The following LANCL1 variants were observed in gnomAD, a reference collection of about 807,000 sequenced individuals.
LANCL1 encodes LanC like glutathione S-transferase 1, also known as glutathione S-transferase LANCL1.
A neutral mutation model predicts 50.6 loss-of-function variants in LANCL1; 50 were observed. The ratio of observed to expected loss-of-function variants is 0.99; its 90% CI spans 0.79 to 1.25. The LOEUF (loss-of-function observed/expected upper bound fraction) is 1.25. Ranked by LOEUF, LANCL1 falls within the 50% of genes most tolerant of loss-of-function variation. The pLI is 0.00. For synonymous variants in LANCL1, 188 were observed against 178.6 expected (o/e 1.05, Z -0.42); for missense variants, 532 against 480.7 (o/e 1.11, Z -1.00).
At chr2:210,471,897 C>A in intron 3 of LANCL1, 62 bp downstream of exon 3, 2 of 1,167,418 alleles carry the variant, frequency 1.7e-6, no homozygotes, top group South Asian at 2.4e-5. Context: ...AGACAGCTCT[C>A]GGAAAAATGC....
rs551069033 is a variant in LANCL1 at position 210,455,218 on chromosome 2, A to G, written c.296T>C (p.Leu99Ser). 1 of 1,613,702 alleles carries G rather than the reference A, an allele frequency of 6.2e-7. No individual in the cohort carries two copies. Among genetic ancestry groups the G allele is most frequent in the East Asian group, 2.2e-5 (1 of 44,854 alleles). The change falls in exon 4 of 10, where the codon TTA (leucine) becomes TCA (serine). Residue 99 changes from leucine (L) to serine (S), a missense_variant. Transcript: ENST00000450366. ...HGYVKQSLNC[L>S]TKRSITFLCG... ...AAGGAAGGTGATGGAGCGCTTGGTT[A>G]AGCAGTTCAGACTTTGCTTTACATA...
chr2:210,438,189 C>T (rs1407204412), intron 6 of LANCL1, among the ~76,000 whole-genome samples: 1 of 142,020 alleles, frequency 7.0e-6, no homozygotes, highest in Non-Finnish European at 1.5e-5. Context: ...GGCTGAAGTG[C>T]AATGGTGCGA....
chr2:210,447,042 A>G (rs926592427), intron 4 of LANCL1, among the ~76,000 whole-genome samples: 1 of 152,216 alleles, frequency 6.6e-6, no homozygotes, highest in African/African-American at 2.4e-5. Flanking sequence ...CCCAAGACAC[A>G]TAATCGTCAG....
At chr2:210,457,415 T>G (rs905729416) in intron 3 of LANCL1, among the ~76,000 whole-genome samples, 2 of 152,098 alleles carry the variant, frequency 1.3e-5, no homozygotes, top group Non-Finnish European at 2.9e-5. Flanking sequence ...CTGTTGACAA[T>G]AACCATGCAT....
At chr2:210,444,937 G>T (rs1371379873) in intron 4 of LANCL1, among the ~76,000 whole-genome samples, 1 of 151,794 alleles carries the variant, frequency 6.6e-6, no homozygotes, top group Non-Finnish European at 1.5e-5. Flanking sequence ...CATTTATTAA[G>T]AATTTTTTTT....
chr2:210,443,123 C>G (rs1693196411), intron 4 of LANCL1, among the ~76,000 whole-genome samples: 1 of 152,140 alleles, frequency 6.6e-6, no homozygotes, highest in African/African-American at 2.4e-5. Flanking sequence ...CAAAGCCCCA[C>G]CCTTTTCATC....
At chr2:210,473,790 C>T (rs375103562) in intron 2 of LANCL1, among the ~76,000 whole-genome samples, 13 of 152,298 alleles carry the variant, frequency 8.5e-5, no homozygotes, top group African/African-American at 2.2e-4. Context: ...TTAGAAGAAA[C>T]GACGTTGTTT....
rs1301179108 is a variant in LANCL1 at position 210,434,559 on chromosome 2, C to T, written c.1128G>A (p.Met376Ile). 6.2e-7 allele frequency: 1 copy of T among 1,612,892 alleles called. No individual in the cohort carries two copies. Among genetic ancestry groups the T allele is most frequent in the East Asian group, 2.2e-5 (1 of 44,864 alleles). ...CAGCCAGGAAATATATTGTTCCAGC[C>T]ATTCCTGAAGAAAGAGAAAGAGGCA... ...PDTPFSLFEG[M>I]AGTIYFLADL... is the part of the protein sequence containing the mutation. Residue 376 changes from methionine (M) to isoleucine (I), a missense_variant, in exon 10 of 10, where the codon ATG becomes ATA. Met to Ile is a conservative substitution (Grantham distance 10). Coordinates refer to ENST00000450366, the MANE Select transcript of LANCL1 (RefSeq NM_006055.3).
chr2:210,457,511 G>C (rs968285577), intron 3 of LANCL1, among the ~76,000 whole-genome samples: 2 of 152,084 alleles, frequency 1.3e-5, no homozygotes, highest in Non-Finnish European at 2.9e-5. Flanking sequence ...GGCTTTGCAG[G>C]GAAAATTCAC....
intron 4 of LANCL1, among the ~76,000 whole-genome samples, chr2:210,449,492 G>C (rs987869473): frequency 1.3e-5 from 2 of 152,212 alleles, no homozygotes; most frequent in Non-Finnish European, 2.9e-5. Flanking sequence ...AGTATTGGAA[G>C]TTCTGGCCAG....
At chr2:210,439,831 T>C (rs1362358131) in intron 6 of LANCL1, among the ~76,000 whole-genome samples, 1 of 152,186 alleles carries the variant, frequency 6.6e-6, no homozygotes, top group Non-Finnish European at 1.5e-5. Context: ...ATGAAACACT[T>C]TTCTTTATGC....
chr2:210,438,296 G>C (rs527838204), intron 6 of LANCL1, among the ~76,000 whole-genome samples: 1 of 152,020 alleles, frequency 6.6e-6, no homozygotes, highest in African/African-American at 2.4e-5. Flanking sequence ...CACCACGCCT[G>C]GCTAATTTTT....
rs1186044095 is a variant in LANCL1, at chr2:210,434,345, A to C, written c.*142T>G. ...AATGATAATGGAAGGGAACTGAATG[A>C]AAGATAAATTCTGAAAAAAGCTAAC... is the stretch of plus-strand genomic sequence containing the variant. On this transcript the variant is annotated 3_prime_UTR_variant, in exon 10 of 10. Coordinates refer to ENST00000450366, the MANE Select transcript of LANCL1 (RefSeq NM_006055.3). 1.5e-5 allele frequency: 9 copies of C among 609,264 alleles called. No homozygotes were observed. Among genetic ancestry groups the C allele is most frequent in the South Asian group, 2.3e-5 (1 of 44,154 alleles). 37.7% of individuals were successfully genotyped at this position (609,264 alleles called of 1,614,324 possible).
At position 210,464,239 on chromosome 2, in the gene LANCL1, A is replaced by C. The variant is rs1326558198; in HGVS notation, c.199+7720T>G. Among the ~76,000 whole-genome samples, 3 of 152,346 alleles carry C rather than the reference A, an allele frequency of 2.0e-5. No individual in the cohort carries two copies. The East Asian group carries it at 5.8e-4, about 29-fold the overall frequency. Reference sequence around the variant, plus strand: ...TCTACATACTACTGGGGAATGAAACAACAAAATAAAATTGTAAAGTCCTAA... The same window carrying C: ...TCTACATACTACTGGGGAATGAAACCACAAAATAAAATTGTAAAGTCCTAA... On this transcript the variant is annotated intron_variant, in intron 3 of 9. Transcript: ENST00000450366.
In LANCL1 at chr2:210,476,328, A is replaced by C; in HGVS notation, c.69T>G (p.Asp23Glu). ...ATCCTAAACTCACCCTCCCGGCAGCATCAAAGTAGCCTTCGGCCAGGGATT... is the reference window on the plus strand; with the variant it reads ...ATCCTAAACTCACCCTCCCGGCAGCCTCAAAGTAGCCTTCGGCCAGGGATT... ...YNKSLAEGYFDAAGRLTPEFS... is the reference protein window; with the variant it reads ...YNKSLAEGYFEAAGRLTPEFS... Residue 23 changes from aspartate (D) to glutamate (E), a missense_variant, in exon 2 of 10, where the codon GAT becomes GAG. Asp to Glu is a conservative substitution (Grantham distance 45, BLOSUM62 2). Coordinates refer to ENST00000450366, the MANE Select transcript of LANCL1 (RefSeq NM_006055.3). 1.9e-6 allele frequency: 3 copies of C among 1,613,764 alleles called. No homozygotes were observed. The highest frequency in any genetic ancestry group is 2.5e-6 in the Non-Finnish European group (3 of 1,179,682).
At chr2:210,455,012 G>C (rs1693620924) in intron 4 of LANCL1, 95 bp downstream of exon 4, 2 of 1,031,350 alleles carry the variant, frequency 1.9e-6, no homozygotes, top group Middle Eastern at 2.4e-4. Context: ...TCTGCTAAGA[G>C]AAAAGTAAAC....
In LANCL1 at chr2:210,435,463, A is replaced by C; in HGVS notation, c.1051-4T>G. 6.2e-7 allele frequency: 1 copy of C among 1,611,150 alleles called. No homozygotes were observed. The highest frequency in any genetic ancestry group is 1.3e-5 in the African/African-American group (1 of 74,996). On this transcript the variant is annotated splice_polypyrimidine_tract_variant and splice_region_variant and intron_variant, in intron 8 of 9. Transcript: ENST00000450366. ...ACTCTAAGCACCATTCAGCAAACTG[A>C]AAATGAGACCAAGTTAAATTAGTAT...
rs759084405 is a variant in LANCL1, at chr2:210,476,383, G to C, written c.14C>G (p.Ala5Gly). The C allele has an allele frequency of 3.7e-6, 6 of 1,613,914 alleles. No individual in the cohort carries two copies. The highest frequency in any genetic ancestry group is 3.4e-6 in the Non-Finnish European group (4 of 1,179,968). ...ATAATCAGCATAAGGATTCGGGAAG[G>C]CCCTTTGAGCCATGACGCCGGAAGC... MAQRAFPNPYADYNK... is the reference protein window; with the variant it reads MAQRGFPNPYADYNK... Residue 5 changes from alanine (A) to glycine (G), a missense_variant, in exon 2 of 10, where the codon GCC becomes GGC. By Grantham distance (60) the Ala-to-Gly change is moderately conservative. Transcript: ENST00000450366.
At chr2:210,455,048 C>T (rs758034041) in intron 4 of LANCL1, 59 bp downstream of exon 4, 2 of 1,379,380 alleles carry the variant, frequency 1.4e-6, no homozygotes, top group Non-Finnish European at 2.0e-6. Context: ...TTTGTTAACA[C>T]ATGCAGAATT....
Sources: allele counts gnomAD v4.1 joint callset (sites outside exome capture counted in the v4.1 genomes callset), GRCh38; gene constraint gnomAD v4.1.1; transcripts MANE v1.5; gene names NCBI Gene and HGNC (gene_info 2026-07-23, HGNC 2026-07-21).